DOCK7: variants seen among roughly 807,000 people sequenced by gnomAD.
DOCK7 encodes the protein dedicator of cytokinesis 7.
DOCK7 carries 138 observed loss-of-function variants against 271.0 expected under a neutral mutation model. The observed-to-expected ratio is 0.51, with a 90% CI of 0.44 to 0.59. The LOEUF (loss-of-function observed/expected upper bound fraction) is 0.59, where lower values mean the gene tolerates loss of function less well. DOCK7 is among the 20% of genes least tolerant of loss of function. The pLI, the probability that DOCK7 is intolerant of heterozygous loss-of-function variation, is 0.00. For synonymous variants in DOCK7, 823 were observed against 876.1 expected, an observed-to-expected ratio of 0.94 and a Z score of 1.07; for missense variants, 2,066 against 2,592.4, an observed-to-expected ratio of 0.80 and a Z score of 4.41.
chr1:62,655,425 C>CTTTTTT (rs200798806), intron 2 of DOCK7, among the ~76,000 whole-genome samples: 1 of 86,332 alleles, frequency 1.2e-5, no homozygotes, highest in African/African-American at 3.1e-5. Context: ...TTTTTCTTTT[C>CTTTTTT]TTTTTTTTTT....
rs144009864 is a variant in DOCK7 at position 62,603,038 on chromosome 1, T to C, written c.1682+15668A>G. 2.1e-3 allele frequency among the ~76,000 whole-genome samples: 318 copies of C among 151,912 alleles called. 1 individual carries two copies. The highest frequency in any genetic ancestry group is 3.2e-3 in the Non-Finnish European group (219 of 67,682). The stretch of plus-strand genomic sequence containing the variant: ...GACATTCATTATTATATCAAATTTT[T>C]AAATGCTCAGTACTATTTGACCATT... On this transcript the variant is annotated intron_variant, in intron 14 of 49. Coordinates refer to ENST00000635253, the MANE Select transcript of DOCK7 (RefSeq NM_001367561.1).
At chr1:62,529,968 T>C (rs1347309279) in intron 29 of DOCK7, among the ~76,000 whole-genome samples, 1 of 152,204 alleles carries the variant, frequency 6.6e-6, no homozygotes, top group East Asian at 1.9e-4. Flanking sequence ...ATACCTCATT[T>C]GGGTCCTTAC....
At chr1:62,546,283 A>T (rs1485272496) in intron 22 of DOCK7, among the ~76,000 whole-genome samples, 1 of 152,120 alleles carries the variant, frequency 6.6e-6, no homozygotes. Flanking sequence ...TCAAGAGAAA[A>T]TTTTAAAAAG....
intron 29 of DOCK7, among the ~76,000 whole-genome samples, chr1:62,531,732 C>G (rs1389179855): frequency 1.3e-5 from 2 of 152,274 alleles, no homozygotes; most frequent in East Asian, 3.9e-4. Flanking sequence ...AAGGATCTCT[C>G]CAAGACAATG....
At chr1:62,655,087 A>T (rs980830506) in intron 2 of DOCK7, among the ~76,000 whole-genome samples, 1 of 152,240 alleles carries the variant, frequency 6.6e-6, no homozygotes, top group Non-Finnish European at 1.5e-5. Context: ...GTACTTTGTT[A>T]CAGTAGCCAT....
rs1322030911 is a variant in DOCK7 at position 62,649,926 on chromosome 1, CT to C, written c.390-1383del. ...CCTTCAGGTCTCTGCTCAAAATCAC[CT>C]TATCAGTAAGGCTTCCTCTGATTAA... On this transcript the variant is annotated intron_variant, in intron 4 of 49. Transcript: ENST00000635253. Among the ~76,000 whole-genome samples the C allele has an allele frequency of 8.5e-5, 13 of 152,120 alleles. No homozygotes were observed. In the East Asian group the frequency reaches 2.1e-3, roughly 25 times the overall value.
At chr1:62,648,677 A>G (rs1656971130) in intron 4 of DOCK7, 133 bp from the exon 5 acceptor site, 1 of 480,332 alleles carries the variant, frequency 2.1e-6, no homozygotes, top group African/African-American at 2.0e-5. Flanking sequence ...TATTCTAGCA[A>G]TTTAGGTTAA....
intron 14 of DOCK7, chr1:62,598,553 A>C (rs2149527611): frequency 1.6e-6 from 1 of 625,494 alleles, no homozygotes. Flanking sequence ...TATTTGAAAG[A>C]AGCATACAAG....
chr1:62,513,482 C>T lies in DOCK7; in HGVS notation c.4244G>A (p.Arg1415Gln), dbSNP rs747487319. ...TATTGTGTACGTACCGAGCTGTCCTCGGCTTCGCCGTACCATTTCTTGCCT... is the reference window on the plus strand; with the variant it reads ...TATTGTGTACGTACCGAGCTGTCCTTGGCTTCGCCGTACCATTTCTTGCCT... ...GARQEMVRRS[R>Q]GQLGTYTIAS... The change falls in exon 33 of 50, where the codon CGA becomes CAA. Residue 1415 changes from arginine (R) to glutamine (Q), a missense_variant. Transcript: ENST00000635253. The T allele has an allele frequency of 1.9e-5, 30 of 1,613,606 alleles. No homozygotes were observed. Among genetic ancestry groups the T allele is most frequent in the Middle Eastern group, 1.7e-4 (1 of 6,060 alleles).
chr1:62,502,821 G>A (rs1266719049), intron 37 of DOCK7, among the ~76,000 whole-genome samples: 1 of 152,068 alleles, frequency 6.6e-6, no homozygotes. Flanking sequence ...ATTCCAGGAC[G>A]TATGTAATAT....
Position 62,505,709 on chromosome 1 carries a change from A to C in DOCK7, c.4584T>G (p.Phe1528Leu), listed in dbSNP as rs1410226230. The change falls in exon 36 of 50, where the codon TTT (phenylalanine) becomes TTG (leucine). Residue 1528 changes from phenylalanine (F) to leucine (L), a missense_variant. Coordinates refer to ENST00000635253, the MANE Select transcript of DOCK7 (RefSeq NM_001367561.1). ...NQSAVYLQHC[F>L]ATQRALVSKF... Reference sequence around the variant, plus strand: ...TTGAAACCAAGGCTCTCTGTGTAGCAAAACAGTGTTGTAGATAAACTGCAC... The same window carrying C: ...TTGAAACCAAGGCTCTCTGTGTAGCCAAACAGTGTTGTAGATAAACTGCAC... 6.8e-6 allele frequency: 11 copies of C among 1,612,304 alleles called. No homozygotes were observed. The highest frequency in any genetic ancestry group is 8.5e-6 in the Non-Finnish European group (10 of 1,179,308).
At chr1:62,644,466 T>C (rs1656395675) in intron 7 of DOCK7, among the ~76,000 whole-genome samples, 1 of 152,210 alleles carries the variant, frequency 6.6e-6, no homozygotes, top group Non-Finnish European at 1.5e-5. Context: ...GCTCTTTCCC[T>C]TGTAGCCCAT....
At chr1:62,598,369 T>TA (rs1360482395) in intron 14 of DOCK7, among the ~76,000 whole-genome samples, 1 of 151,804 alleles carries the variant, frequency 6.6e-6, no homozygotes, top group Admixed American at 6.6e-5. Flanking sequence ...AGTAAAAAGT[T>TA]AAAAAAAATT....
chr1:62,455,694 ATGC>A (rs1394855476), intron 49 of DOCK7, among the ~76,000 whole-genome samples: 1 of 152,214 alleles, frequency 6.6e-6, no homozygotes, highest in Admixed American at 6.5e-5. Flanking sequence ...TGTCTGACTG[ATGC>A]TGCAGATATT....
At chr1:62,507,191 T>C (rs879429219) in intron 35 of DOCK7, among the ~76,000 whole-genome samples, 4 of 152,084 alleles carry the variant, frequency 2.6e-5, no homozygotes, top group Non-Finnish European at 4.4e-5. Flanking sequence ...ATGAAGTAGG[T>C]GGCCATTGTA....
chr1:62,659,908 A>T (rs1471479416), intron 2 of DOCK7, among the ~76,000 whole-genome samples: 1 of 152,198 alleles, frequency 6.6e-6, no homozygotes, highest in African/African-American at 2.4e-5. Flanking sequence ...GTATGTACTA[A>T]ATAACAGAGC....
intron 1 of DOCK7, among the ~76,000 whole-genome samples, chr1:62,670,613 A>G (rs1384022267): frequency 2.0e-5 from 3 of 152,136 alleles, no homozygotes; most frequent in East Asian, 3.9e-4. Flanking sequence ...GAGTGCACCA[A>G]TCGACACTCT....
intron 33 of DOCK7, among the ~76,000 whole-genome samples, chr1:62,512,316 T>C (rs1644511469): frequency 6.6e-6 from 1 of 152,196 alleles, no homozygotes. Context: ...AGCAACAGTA[T>C]TGTCTGTATG....
intron 14 of DOCK7, chr1:62,597,439 T>C: frequency 1.1e-6 from 1 of 940,456 alleles, no homozygotes; most frequent in South Asian, 1.8e-5. Flanking sequence ...GGCTTAATGA[T>C]TAACTATGTT....
Sources: allele counts gnomAD v4.1 joint callset (sites outside exome capture counted in the v4.1 genomes callset), GRCh38; gene constraint gnomAD v4.1.1; transcripts MANE v1.5; gene names NCBI Gene and HGNC (gene_info 2026-07-23, HGNC 2026-07-21).